EPG5: variants seen among roughly 807,000 people sequenced by gnomAD.
EPG5 encodes the protein ectopic P granules protein 5 homolog.
In EPG5, 159 loss-of-function variants were observed where a neutral mutation model predicts 302.7. The ratio of observed to expected loss-of-function variants is 0.53; its 90% confidence interval spans 0.46 to 0.60. The LOEUF (loss-of-function observed/expected upper bound fraction) is 0.60, where lower values mean the gene tolerates loss of function less well. Among genes scored for constraint, EPG5 ranks in the 20% least tolerant of loss-of-function variants. The probability of loss-of-function intolerance (pLI) is 0.00; values close to 1 mark genes in which losing one functional copy is unlikely to be tolerated. For missense variants in EPG5, 2,896 were observed against 3,092.4 expected (o/e 0.94, Z 1.51); for synonymous variants, 1,158 against 1,136.8 (o/e 1.02, Z -0.37).
Position 45,955,330 on chromosome 18 carries a change from C to T in EPG5, c.72G>A (p.Lys24=). 6.5e-7 allele frequency: 1 copy of T among 1,538,366 alleles called. No individual in the cohort carries two copies. Among genetic ancestry groups the T allele is most frequent in the Non-Finnish European group, 8.7e-7 (1 of 1,143,522 alleles). Residue 24 remains lysine (K), a synonymous_variant, in exon 2 of 44, where the codon AAG becomes AAA. Coordinates refer to ENST00000282041, the MANE Select transcript of EPG5 (RefSeq NM_020964.3). The stretch of plus-strand genomic sequence containing the variant: ...CTTCCCTCTGAGGAGTTTCATACTT[C>T]TTCTTTTCCTAAAAACAACATACAT... ...KASRTKTKEK[K]KYETPQREES...
chr18:45,913,324 C>T (rs2049953846), intron 21 of EPG5, among the ~76,000 whole-genome samples: 1 of 152,086 alleles, frequency 6.6e-6, no homozygotes, highest in African/African-American at 2.4e-5. Flanking sequence ...TATTAGTAAG[C>T]CTAAGAATCA....
intron 20 of EPG5, 135 bp from the exon 21 acceptor site, chr18:45,913,963 C>A: frequency 9.2e-7 from 1 of 1,082,470 alleles, no homozygotes; most frequent in Admixed American, 2.5e-5. Context: ...CTAAAATTAA[C>A]ACCTTTTTAT....
Position 45,914,138 on chromosome 18 carries a change from C to T in EPG5, c.3694-310G>A, listed in dbSNP as rs9959239. 0.032 allele frequency among the ~76,000 whole-genome samples: 4,914 copies of T among 152,276 alleles called. 232 individuals carry two copies. The highest frequency in any genetic ancestry group is 0.11 in the African/African-American group (4,448 of 41,544). On this transcript the variant is annotated intron_variant, in intron 20 of 43. Transcript: ENST00000282041. ...GACAGGAAAGAGGACCAGACAGGGG[C>T]TCTGTCTTTAAGAAGTCTTCCATCT...
chr18:45,929,201 A>AT (rs2050345620), intron 12 of EPG5, among the ~76,000 whole-genome samples, 192 bp from the exon 13 acceptor site: 1 of 152,230 alleles, frequency 6.6e-6, no homozygotes, highest in Admixed American at 6.5e-5. Flanking sequence ...AGGGAGAGGA[A>AT]TATAAGAGAA....
At chr18:45,915,916 G>T in intron 19 of EPG5, 93 bp downstream of exon 19, 1 of 1,153,948 alleles carries the variant, frequency 8.7e-7, no homozygotes, top group Non-Finnish European at 1.2e-6. Context: ...TGGCCACAGA[G>T]TAGAACTGAA....
At chr18:45,908,720 G>A (rs1200697560) in intron 23 of EPG5, among the ~76,000 whole-genome samples, 6 of 152,178 alleles carry the variant, frequency 3.9e-5, no homozygotes, top group African/African-American at 1.4e-4. Flanking sequence ...GAAGGCCAAG[G>A]CGGGCGGATC....
chr18:45,828,064 C>T, the EPG5 span, among the ~76,000 whole-genome samples: 1 of 152,208 alleles, frequency 6.6e-6, no homozygotes, highest in Non-Finnish European at 1.5e-5. Flanking sequence ...TCTGGCTGCT[C>T]TTCTTCTGGG....
the EPG5 span, among the ~76,000 whole-genome samples, chr18:45,832,944 C>T: frequency 5.3e-5 from 8 of 152,132 alleles, no homozygotes; most frequent in African/African-American, 1.9e-4. Flanking sequence ...TTCTTTGAAT[C>T]CCATTCAGCA....
At chr18:45,860,441 C>T in intron 39 of EPG5, 95 bp from the exon 40 acceptor site, 2 of 1,524,822 alleles carry the variant, frequency 1.3e-6, no homozygotes, top group Non-Finnish European at 1.8e-6. Context: ...AGCTGTTCTC[C>T]AGGCAGATTT....
At chr18:45,823,032 G>C in the EPG5 span, among the ~76,000 whole-genome samples, 7 of 152,160 alleles carry the variant, frequency 4.6e-5, no homozygotes, top group Non-Finnish European at 7.4e-5. Flanking sequence ...TAGGGGTAGA[G>C]GTTGCACAGA....
chr18:45,838,591 C>T, the EPG5 span: 2 of 1,276,296 alleles, frequency 1.6e-6, no homozygotes, highest in South Asian at 1.6e-5. Context: ...TGTATTGGGA[C>T]GGGGGCAGCC....
intron 37 of EPG5, 100 bp from the exon 38 acceptor site, chr18:45,867,107 G>T: frequency 2.6e-6 from 2 of 782,528 alleles, no homozygotes; most frequent in Non-Finnish European, 4.2e-6. Flanking sequence ...GATGGCCTAT[G>T]GTAAGCACAG....
chr18:45,916,288 C>A, intron 18 of EPG5, 82 bp from the exon 19 acceptor site: 1 of 1,521,382 alleles, frequency 6.6e-7, no homozygotes, highest in Non-Finnish European at 8.9e-7. Context: ...CTATCTACCT[C>A]CACTACAAAT....
intron 10 of EPG5, 131 bp from the exon 11 acceptor site, chr18:45,935,097 T>C: frequency 1.1e-6 from 1 of 938,256 alleles, no homozygotes; most frequent in Non-Finnish European, 1.6e-6. Context: ...GCTTTAGTCA[T>C]AAACACCTCA....
At chr18:45,926,015 A>G in intron 13 of EPG5, 113 bp from the exon 14 acceptor site, 1 of 641,890 alleles carries the variant, frequency 1.6e-6, no homozygotes, top group Admixed American at 4.4e-5. Context: ...AAGGAACTGG[A>G]GTTTTTGTTT....
At chr18:45,957,653 G>A (rs761362540) in intron 1 of EPG5, among the ~76,000 whole-genome samples, 1 of 152,120 alleles carries the variant, frequency 6.6e-6, no homozygotes, top group Non-Finnish European at 1.5e-5. Flanking sequence ...TTGTTCACTG[G>A]CATCATCTTC....
rs1459072623 is a variant in EPG5, at chr18:45,903,960, T to TC, written c.4474+12dup. On this transcript the variant is annotated intron_variant, in intron 25 of 43. Coordinates refer to ENST00000282041, the MANE Select transcript of EPG5 (RefSeq NM_020964.3). ...TTCACTCATTCGAAGGGGCAGGTGC[T>TC]CCCAGGACCCACCCAGCAAAGGATC... 2 of 1,601,152 alleles carry TC rather than the reference T, an allele frequency of 1.2e-6. No individual in the cohort carries two copies. Among genetic ancestry groups the TC allele is most frequent in the Admixed American group, 3.6e-5 (2 of 55,124 alleles).
In EPG5 at chr18:45,847,963, T is replaced by TA. The variant is rs1325584970; in HGVS notation, c.*4503dup. The TA allele has an allele frequency of 6.6e-6, 1 of 152,176 alleles. No individual in the cohort carries two copies. Among genetic ancestry groups the TA allele is most frequent in the African/African-American group, 2.4e-5 (1 of 41,162 alleles). 9.4% of individuals were successfully genotyped at this position (152,176 alleles called of 1,614,324 possible). A position where few individuals can be genotyped will look rare whatever the true frequency, so the allele number is the denominator to read the frequency against. On this transcript the variant is annotated 3_prime_UTR_variant, in exon 44 of 44. Transcript: ENST00000282041. The stretch of plus-strand genomic sequence containing the variant: ...CAACAACATTCCTTCGCAATTTCAT[T>TA]ATCCCAAAAGAGGATCAGTAGTATA...
rs746011901 is a variant in EPG5, at chr18:45,899,419, T to A, written c.4794A>T (p.Ala1598=). 3.7e-6 allele frequency: 6 copies of A among 1,614,178 alleles called. No individual in the cohort carries two copies. The South Asian group carries it at 6.6e-5, about 18-fold the overall frequency. ...AAACACTTACCTGAACCGTGACAAC[T>A]GCGGCTCCTTGGCATTTCTTACCGC... ...GSSGKKCQGA[A]VVTVQFEGMH... Residue 1598 remains alanine (A), a synonymous_variant, in exon 27 of 44, where the codon GCA becomes GCT. Coordinates refer to ENST00000282041, the MANE Select transcript of EPG5 (RefSeq NM_020964.3).
Sources: allele counts gnomAD v4.1 joint callset (sites outside exome capture counted in the v4.1 genomes callset), GRCh38; gene constraint gnomAD v4.1.1; transcripts MANE v1.5; gene names NCBI Gene and HGNC (gene_info 2026-07-23, HGNC 2026-07-21).